CSGALNACT1: variants seen among roughly 807,000 people sequenced by gnomAD.
CSGALNACT1 encodes beta4GalNAcT-1.
A neutral mutation model predicts 51.0 loss-of-function variants in CSGALNACT1; 52 were observed. That is an observed-to-expected ratio of 1.02 (90% CI 0.82 to 1.29). CSGALNACT1 has a LOEUF of 1.29. Among genes scored for constraint, CSGALNACT1 ranks in the 50% most tolerant of loss-of-function variants. The pLI, the probability that CSGALNACT1 is intolerant of heterozygous loss-of-function variation, is 0.00. For synonymous variants in CSGALNACT1, 341 were observed against 254.4 expected (o/e 1.34, Z -3.24); for missense variants, 935 against 679.2 (o/e 1.38, Z -4.19).
At chr8:19,684,165 C>CAA (rs5889883), upstream of CSGALNACT1, among the ~76,000 whole-genome samples, 8 of 147,316 alleles carry the variant, frequency 5.4e-5, no homozygotes, top group East Asian at 2.0e-4. Flanking sequence ...GACTCCATCT[C>CAA]AAAAAAAAAA....
rs571095765 is a variant in CSGALNACT1 at position 19,496,974 on chromosome 8, G to A, written c.634+8227C>T. ...CTGGGAGGGGCAAAACACTCTTCCC[G>A]GACCCTCCCCCTCCCGCCTCCCCTC... On this transcript the variant is annotated intron_variant, in intron 4 of 9. Transcript: ENST00000454498. Among the ~76,000 whole-genome samples, 308 of 152,208 alleles carry A rather than the reference G, an allele frequency of 2.0e-3. 3 individuals carry two copies. The highest frequency in any genetic ancestry group is 7.1e-3 in the African/African-American group (294 of 41,516).
At chr8:19,532,448 T>G (rs2082955158) in intron 3 of CSGALNACT1, among the ~76,000 whole-genome samples, 1 of 152,192 alleles carries the variant, frequency 6.6e-6, no homozygotes, top group African/African-American at 2.4e-5. Flanking sequence ...CTCTTTTCTA[T>G]TCCCTTAAAC....
chr8:19,465,846 G>T (rs1266171773), intron 4 of CSGALNACT1, among the ~76,000 whole-genome samples: 3 of 129,470 alleles, frequency 2.3e-5, no homozygotes, highest in Admixed American at 7.3e-5. Context: ...GAAGGCCTGG[G>T]ATAAACCCCC....
chr8:19,509,284 G>T (rs1355383530), intron 3 of CSGALNACT1, among the ~76,000 whole-genome samples: 3 of 152,152 alleles, frequency 2.0e-5, no homozygotes, highest in Non-Finnish European at 2.9e-5. Flanking sequence ...CTTCTGTGAA[G>T]ACTTCATGTT....
intron 6 of CSGALNACT1, among the ~76,000 whole-genome samples, chr8:19,425,102 G>A (rs2058568957): frequency 6.6e-6 from 1 of 152,164 alleles, no homozygotes; most frequent in African/African-American, 2.4e-5. Flanking sequence ...TAGCACTTTG[G>A]GAGGCCGAGA....
chr8:19,452,939 A>C (rs1314046573), intron 5 of CSGALNACT1, among the ~76,000 whole-genome samples: 6 of 152,174 alleles, frequency 3.9e-5, no homozygotes, highest in African/African-American at 1.2e-4. Context: ...AAACAGAGAA[A>C]TACCCTGTCC....
chr8:19,554,747 G>A (rs192469071), intron 3 of CSGALNACT1, among the ~76,000 whole-genome samples: 15 of 152,034 alleles, frequency 9.9e-5, no homozygotes, highest in African/African-American at 2.7e-4. Flanking sequence ...GTGAAACCCC[G>A]TCTCTACTAA....
intron 9 of CSGALNACT1, among the ~76,000 whole-genome samples, chr8:19,407,051 A>G (rs2054355004): frequency 6.6e-6 from 1 of 152,172 alleles, no homozygotes; most frequent in Non-Finnish European, 1.5e-5. Flanking sequence ...TGATTTGCAC[A>G]TAACCATTTA....
At chr8:19,539,245 T>C (rs557567532) in intron 3 of CSGALNACT1, among the ~76,000 whole-genome samples, 1 of 152,300 alleles carries the variant, frequency 6.6e-6, no homozygotes, top group Non-Finnish European at 1.5e-5. Context: ...GTACACAATA[T>C]CATCAACTGT....
At chr8:19,596,595 A>C (rs1006923016) in intron 2 of CSGALNACT1, among the ~76,000 whole-genome samples, 2 of 147,334 alleles carry the variant, frequency 1.4e-5, no homozygotes, top group Non-Finnish European at 3.0e-5. Context: ...AATTGTAAGA[A>C]AAAAAAAAAA....
chr8:19,743,608 T>C (rs1402243069), intron 1 of CSGALNACT1, among the ~76,000 whole-genome samples: 2 of 152,256 alleles, frequency 1.3e-5, no homozygotes, highest in Non-Finnish European at 2.9e-5. Context: ...GGACTTTCAG[T>C]GATGGTGGTT....
intron 1 of CSGALNACT1, among the ~76,000 whole-genome samples, chr8:19,671,284 G>A (rs1197219180): frequency 6.6e-6 from 1 of 152,174 alleles, no homozygotes; most frequent in Non-Finnish European, 1.5e-5. Flanking sequence ...CCTGCAACTG[G>A]AAGGCTTTGA....
intron 1 of CSGALNACT1, among the ~76,000 whole-genome samples, chr8:19,745,356 T>A (rs1002213628): frequency 1.6e-4 from 25 of 152,326 alleles, no homozygotes; most frequent in South Asian, 6.2e-4. Context: ...TTTTGATACA[T>A]AATAATTGTA....
intron 4 of CSGALNACT1, among the ~76,000 whole-genome samples, chr8:19,481,653 C>G (rs769746640): frequency 3.9e-5 from 6 of 152,090 alleles, no homozygotes; most frequent in Non-Finnish European, 8.8e-5. Context: ...ATTTTATAAT[C>G]AAAATGACAT....
intron 1 of CSGALNACT1, chr8:19,678,957 C>T (rs2060394628): frequency 6.6e-6 from 1 of 152,158 alleles, no homozygotes; most frequent in African/African-American, 2.4e-5. Flanking sequence ...TTGACTGTCT[C>T]CTCTGGTATC....
intron 6 of CSGALNACT1, among the ~76,000 whole-genome samples, chr8:19,430,997 A>G (rs1181724322): frequency 6.6e-6 from 1 of 152,172 alleles, no homozygotes; most frequent in African/African-American, 2.4e-5. Context: ...GCTCGTGTAT[A>G]GAAATACAAT....
intron 3 of CSGALNACT1, among the ~76,000 whole-genome samples, chr8:19,532,269 T>C (rs567031252): frequency 6.6e-6 from 1 of 152,162 alleles, no homozygotes; most frequent in Non-Finnish European, 1.5e-5. Context: ...ATGGCTTCTT[T>C]ATCCAAGCTA....
At chr8:19,672,045 C>G (rs2059833112) in intron 1 of CSGALNACT1, among the ~76,000 whole-genome samples, 1 of 152,126 alleles carries the variant, frequency 6.6e-6, no homozygotes, top group African/African-American at 2.4e-5. Flanking sequence ...GGTACATTTA[C>G]ATAGAATTTG....
Position 19,630,959 on chromosome 8 carries a change from T to C in CSGALNACT1, c.-543-29094A>G, listed in dbSNP as rs73597292. ...ATTTGTTACAACTGACGAGCCAATATTGACATGTTATTAACTAAAGTCCAT... is the reference window on the plus strand; with the variant it reads ...ATTTGTTACAACTGACGAGCCAATACTGACATGTTATTAACTAAAGTCCAT... On this transcript the variant is annotated intron_variant, in intron 1 of 9. Coordinates refer to the CSGALNACT1 transcript ENST00000332246. Among the ~76,000 whole-genome samples the C allele has an allele frequency of 1.7e-3, 264 of 152,322 alleles. 2 individuals carry two copies. Among genetic ancestry groups the C allele is most frequent in the African/African-American group, 4.5e-3 (188 of 41,582 alleles).
Sources: gnomAD v4.1 joint callset for allele counts (sites outside exome capture counted in the v4.1 genomes callset) on GRCh38, gnomAD v4.1.1 for gene constraint, MANE v1.5 for transcripts, NCBI Gene and HGNC (gene_info 2026-07-23, HGNC 2026-07-21) for gene names.